Variants in SLC25A21 observed in about 807,000 individuals in gnomAD.
SLC25A21 encodes mitochondrial 2-oxodicarboxylate carrier.
Under a neutral mutation model 43.8 loss-of-function variants are expected in SLC25A21, and 47 were observed. That is an observed-to-expected ratio of 1.07 (90% CI 0.85 to 1.37). The LOEUF (loss-of-function observed/expected upper bound fraction) is 1.37, where lower values mean the gene tolerates loss of function less well. Among genes scored for constraint, SLC25A21 ranks in the 40% most tolerant of loss-of-function variants. The pLI is 0.00. For synonymous variants in SLC25A21, 131 were observed against 121.3 expected (o/e 1.08, Z -0.52); for missense variants, 352 against 350.2 (o/e 1.00, Z -0.04).
chr14:36,830,612 A>G (rs547769348), intron 2 of SLC25A21, among the ~76,000 whole-genome samples: 72 of 152,196 alleles, frequency 4.7e-4, no homozygotes, highest in Non-Finnish European at 7.5e-4. Context: ...GAAAATATCT[A>G]TTTTCACCCC....
intron 1 of SLC25A21, among the ~76,000 whole-genome samples, chr14:36,890,350 T>C (rs1891041007): frequency 6.6e-6 from 1 of 152,072 alleles, no homozygotes; most frequent in Non-Finnish European, 1.5e-5. Context: ...TATGAGGAAA[T>C]GACAGAGGGC....
At chr14:36,817,327 G>C (rs1367684670) in intron 2 of SLC25A21, among the ~76,000 whole-genome samples, 1 of 152,168 alleles carries the variant, frequency 6.6e-6, no homozygotes, top group African/African-American at 2.4e-5. Flanking sequence ...AGTTCAGCAA[G>C]GGTTTCAGGG....
chr14:37,045,975 T>C (rs1158424264), intron 1 of SLC25A21, among the ~76,000 whole-genome samples: 1 of 152,234 alleles, frequency 6.6e-6, no homozygotes, highest in Non-Finnish European at 1.5e-5. Flanking sequence ...ACTGAGGGAT[T>C]ATTCTGTGCC....
intron 5 of SLC25A21, 152 bp downstream of exon 5, chr14:36,729,355 T>C (rs552017559): frequency 5.3e-6 from 3 of 568,730 alleles, no homozygotes; most frequent in Admixed American, 7.9e-5. Flanking sequence ...TTGTGAGTTA[T>C]TAGGAAGATG....
Position 36,679,967 on chromosome 14 carries a change from C to CACTGTTAAA in SLC25A21, c.*690_*691insTTTAACAGT. 1 of 872,476 alleles carries CACTGTTAAA rather than the reference C, an allele frequency of 1.1e-6. No homozygotes were observed. The highest frequency in any genetic ancestry group is 1.4e-6 in the Non-Finnish European group (1 of 728,426). 54.0% of individuals were successfully genotyped at this position (872,476 alleles called of 1,614,324 possible). ...ACATGCTTAAACAACAGTGTTTTAA[C>CACTGTTAAA]ATTCTGTTTTAAACAATGTTTTAAA... On this transcript the variant is annotated 3_prime_UTR_variant, in exon 10 of 10. Transcript: ENST00000331299.
rs368818934 is a variant in SLC25A21, at chr14:37,116,342, T to C, written c.70+55939A>G. On this transcript the variant is annotated intron_variant, in intron 1 of 9. Coordinates refer to ENST00000331299, the MANE Select transcript of SLC25A21 (RefSeq NM_030631.4). ...GAATTTACAATTTACTACCTTACAA[T>C]GCATATACATTCACTTTGTGTGCAT... is the stretch of plus-strand genomic sequence containing the variant. Among the ~76,000 whole-genome samples the C allele has an allele frequency of 8.5e-5, 13 of 152,164 alleles. No homozygotes were observed. In the East Asian group the frequency reaches 2.1e-3, roughly 25 times the overall value.
At chr14:36,761,744 A>C (rs1886165176) in intron 3 of SLC25A21, among the ~76,000 whole-genome samples, 1 of 150,088 alleles carries the variant, frequency 6.7e-6, no homozygotes, top group Non-Finnish European at 1.5e-5. Context: ...TACAGTATTT[A>C]GGAAAATTTG....
chr14:37,128,011 A>G (rs1963327248), intron 1 of SLC25A21, among the ~76,000 whole-genome samples: 1 of 152,224 alleles, frequency 6.6e-6, no homozygotes, highest in Non-Finnish European at 1.5e-5. Flanking sequence ...AACTCATACA[A>G]GAAAAGTTAT....
At chr14:36,893,957 T>C (rs2067213757) in intron 1 of SLC25A21, among the ~76,000 whole-genome samples, 1 of 152,226 alleles carries the variant, frequency 6.6e-6, no homozygotes, top group Admixed American at 6.5e-5. Flanking sequence ...GTAGTATAGT[T>C]TGAAGTCAGG....
At chr14:36,923,138 A>T (rs1892027687) in intron 1 of SLC25A21, among the ~76,000 whole-genome samples, 1 of 152,144 alleles carries the variant, frequency 6.6e-6, no homozygotes, top group African/African-American at 2.4e-5. Context: ...TCCAAGGAGA[A>T]AAAAGAAAAA....
intron 3 of SLC25A21, among the ~76,000 whole-genome samples, chr14:36,744,621 T>C (rs924143861): frequency 5.8e-5 from 2 of 34,712 alleles, no homozygotes; most frequent in African/African-American, 3.3e-4. Context: ...CTTCTGAACA[T>C]TGGCAGAAAT....
intron 1 of SLC25A21, among the ~76,000 whole-genome samples, chr14:37,103,163 T>G (rs1402646348): frequency 6.6e-6 from 1 of 152,202 alleles, no homozygotes; most frequent in Admixed American, 6.5e-5. Flanking sequence ...AATATTATAC[T>G]GCAAGTAATA....
intron 1 of SLC25A21, among the ~76,000 whole-genome samples, chr14:37,121,173 G>C (rs1963200855): frequency 6.6e-6 from 1 of 152,090 alleles, no homozygotes; most frequent in Non-Finnish European, 1.5e-5. Context: ...AACCACACTT[G>C]CTCCTAGACA....
chr14:36,828,090 T>C (rs1463869173), intron 2 of SLC25A21, among the ~76,000 whole-genome samples: 1 of 150,594 alleles, frequency 6.6e-6, no homozygotes, highest in African/African-American at 2.4e-5. Flanking sequence ...TATGACGAGA[T>C]CATGTGTGGC....
intron 1 of SLC25A21, among the ~76,000 whole-genome samples, chr14:36,976,921 C>G (rs1387644633): frequency 1.3e-5 from 2 of 152,234 alleles, no homozygotes; most frequent in Non-Finnish European, 2.9e-5. Context: ...TTCCCACCAG[C>G]TAATCATCAG....
chr14:36,980,443 T>G (rs1403051242), intron 1 of SLC25A21, among the ~76,000 whole-genome samples: 1 of 152,246 alleles, frequency 6.6e-6, no homozygotes. Context: ...CTTTGTTCAT[T>G]TCTTTTTACT....
At chr14:37,110,915 A>G (rs1382518030) in intron 1 of SLC25A21, among the ~76,000 whole-genome samples, 2 of 151,814 alleles carry the variant, frequency 1.3e-5, no homozygotes, top group Admixed American at 1.3e-4. Flanking sequence ...ATCGCTCTAA[A>G]AAAGAGGAGG....
chr14:36,683,246 T>A (rs1207455081), intron 9 of SLC25A21, among the ~76,000 whole-genome samples: 2 of 152,190 alleles, frequency 1.3e-5, no homozygotes, highest in African/African-American at 4.8e-5. Flanking sequence ...GGCAGCCGGT[T>A]TTTTTGTGGG....
intron 1 of SLC25A21, among the ~76,000 whole-genome samples, chr14:36,888,112 T>C (rs77740701): frequency 4.9e-4 from 75 of 152,312 alleles, no homozygotes; most frequent in Admixed American, 1.0e-3. Context: ...AGGGAGGCAA[T>C]TGTGAAACAC....
Sources: allele counts gnomAD v4.1 joint callset (sites outside exome capture counted in the v4.1 genomes callset), GRCh38; gene constraint gnomAD v4.1.1; transcripts MANE v1.5; gene names NCBI Gene and HGNC (gene_info 2026-07-23, HGNC 2026-07-21).